The following HLA-DRB5 variants were observed in gnomAD, a reference collection of about 807,000 sequenced individuals.
The protein encoded by HLA-DRB5 is major histocompatibility complex, class II, DR beta 5, also known as DR beta-5.
HLA-DRB5 carries 11 observed loss-of-function variants against 22.4 expected under a neutral mutation model. That is an observed-to-expected ratio of 0.49 (90% CI 0.31 to 0.81). The LOEUF is 0.81. HLA-DRB5 is among the 40% of genes least tolerant of loss of function. The probability of loss-of-function intolerance (pLI) is 0.05; values close to 1 mark genes in which losing one functional copy is unlikely to be tolerated. For synonymous variants in HLA-DRB5, 57 were observed against 106.0 expected, an observed-to-expected ratio of 0.54 and a Z score of 2.84; for missense variants, 106 against 274.4, an observed-to-expected ratio of 0.39 and a Z score of 4.34.
chr6:32,528,612 T>C lies in HLA-DRB5; in HGVS notation c.100+1513A>G, dbSNP rs1231065726. 4.8e-5 allele frequency among the ~76,000 whole-genome samples: 2 copies of C among 42,050 alleles called. 1 individual carries two copies. Among genetic ancestry groups the C allele is most frequent in the African/African-American group, 1.8e-4 (2 of 11,012 alleles). 27.6% of individuals were successfully genotyped at this position (42,050 alleles called of 152,430 possible). Reference sequence around the variant, plus strand: ...TCTAATTGGAAGAAGAATTCACAGATAAAGAAACAGTGATTTAAGAAAAAA... The same window carrying C: ...TCTAATTGGAAGAAGAATTCACAGACAAAGAAACAGTGATTTAAGAAAAAA... On this transcript the variant is annotated intron_variant, in intron 1 of 5. Transcript: ENST00000374975.
At chr6:32,527,153 C>CTTTT (rs752427829) in intron 1 of HLA-DRB5, among the ~76,000 whole-genome samples, 2,801 of 74,606 alleles carry the variant, frequency 0.038, 35 homozygotes, top group Middle Eastern at 0.067. Flanking sequence ...TCTTCCTAAC[C>CTTTT]ACTTGTCAAC....
intron 1 of HLA-DRB5, among the ~76,000 whole-genome samples, chr6:32,528,946 A>G (rs115632737): frequency 0.19 from 19,234 of 101,018 alleles, 6 homozygotes; most frequent in African/African-American, 0.25. Context: ...CTATCTCAAA[A>G]AGAAAAAAAT....
intron 1 of HLA-DRB5, among the ~76,000 whole-genome samples, chr6:32,522,952 C>G (rs114988022): frequency 0.096 from 8,816 of 91,368 alleles, 270 homozygotes; most frequent in Non-Finnish European, 0.12. Flanking sequence ...TGCACAAAAG[C>G]TTGAATTGAT....
chr6:32,520,617 T>C (rs146601549), intron 2 of HLA-DRB5, among the ~76,000 whole-genome samples: 13,164 of 76,858 alleles, frequency 0.17, no homozygotes, highest in Admixed American at 0.22. Context: ...CTGGGACTCA[T>C]TACTTGGGGT....
intron 1 of HLA-DRB5, among the ~76,000 whole-genome samples, chr6:32,528,403 G>C (rs67456882): frequency 0.81 from 96,574 of 119,200 alleles, 39,391 homozygotes; most frequent in Middle Eastern, 0.87. Flanking sequence ...GCCCAGTACA[G>C]AGTAGCTGCT....
chr6:32,528,393 G>A (rs998861334), intron 1 of HLA-DRB5, among the ~76,000 whole-genome samples: 9,473 of 139,654 alleles, frequency 0.068, 565 homozygotes, highest in African/African-American at 0.14. Context: ...CTAGAAGGGA[G>A]CCCAGTACAG....
rs1331666287 is a variant in HLA-DRB5 at position 32,525,104 on chromosome 6, C to T, written c.101-2930G>A. Among the ~76,000 whole-genome samples, 2 of 86,296 alleles carry T rather than the reference C, an allele frequency of 2.3e-5. 1 individual carries two copies. Among genetic ancestry groups the T allele is most frequent in the African/African-American group, 8.7e-5 (2 of 23,018 alleles). 56.6% of individuals were successfully genotyped at this position (86,296 alleles called of 152,430 possible). A position where few individuals can be genotyped will look rare whatever the true frequency, so the allele number is the denominator to read the frequency against. On this transcript the variant is annotated intron_variant, in intron 1 of 5. Transcript: ENST00000374975. Reference sequence around the variant, plus strand: ...TCTCTGCCCCCACTCTAAGAAACAACCTGGTACATATGAATATTAGAAATT... The same window carrying T: ...TCTCTGCCCCCACTCTAAGAAACAATCTGGTACATATGAATATTAGAAATT...
rs1379624040 is a variant in HLA-DRB5, at chr6:32,527,227, A to G, written c.100+2898T>C. 2.8e-4 allele frequency among the ~76,000 whole-genome samples: 6 copies of G among 21,676 alleles called. 3 individuals are homozygous for G. The highest frequency in any genetic ancestry group is 1.3e-3 in the Admixed American group (2 of 1,530). The allele number at this position is 21,676 out of a possible 152,430, so 14.2% of individuals were successfully genotyped here. ...TTTAAAAATTCAATATAGGCCGGGC[A>G]CGGTGGCTCACGCCTGTAATCCCAG... On this transcript the variant is annotated intron_variant, in intron 1 of 5. Coordinates refer to ENST00000374975, the MANE Select transcript of HLA-DRB5 (RefSeq NM_002125.4).
rs759204222 is a variant in HLA-DRB5 at position 32,521,974 on chromosome 6, GCCTGT to G, written c.296_300del (p.Asp99AlafsTer16). 26 of 1,147,208 alleles carry G rather than the reference GCCTGT, an allele frequency of 2.3e-5. No homozygotes were observed. The highest frequency in any genetic ancestry group is 3.2e-5 in the Non-Finnish European group (26 of 824,678). The allele number at this position is 1,147,208 out of a possible 1,614,324, so 71.1% of individuals were successfully genotyped here. A position where few individuals can be genotyped will look rare whatever the true frequency, so the allele number is the denominator to read the frequency against. Reference sequence around the variant, plus strand: ...CTGCAGTAGGTGTCCACCGCGGCGCGCCTGTCTTCCAGGAAGTCCTTCTGGCTGTT... The same window carrying G: ...CTGCAGTAGGTGTCCACCGCGGCGCGCTTCCAGGAAGTCCTTCTGGCTGTT... On this transcript the variant is annotated frameshift_variant, in exon 2 of 6. Transcript: ENST00000374975. LOFTEE classifies it high-confidence loss of function.
rs1449800023 is a variant in HLA-DRB5, at chr6:32,522,063, C to T, written c.212G>A (p.Ser71Asn). ...CACCGCCCGGTACTCCCCCACGTCGCTGTCGAAGCGCAAGTCCTCCTCTTG... is the reference window on the plus strand; with the variant it reads ...CACCGCCCGGTACTCCCCCACGTCGTTGTCGAAGCGCAAGTCCTCCTCTTG... ...YNQEEDLRFD[S>N]DVGEYRAVTE... Residue 71 changes from serine to asparagine, a missense_variant, in exon 2 of 6, where the codon AGC (serine) becomes AAC (asparagine). Ser to Asn is a conservative substitution (Grantham distance 46). Coordinates refer to ENST00000374975, the MANE Select transcript of HLA-DRB5 (RefSeq NM_002125.4). 3 of 1,546,764 alleles carry T rather than the reference C, an allele frequency of 1.9e-6. No homozygotes were observed. The highest frequency in any genetic ancestry group is 2.6e-6 in the Non-Finnish European group (3 of 1,134,816).
In HLA-DRB5 at chr6:32,530,250, G is replaced by T; in HGVS notation, c.-26C>A. The T allele has an allele frequency of 7.8e-7, 1 of 1,282,510 alleles. No homozygotes were observed. The highest frequency in any genetic ancestry group is 1.1e-6 in the Non-Finnish European group (1 of 910,380). 79.4% of individuals were successfully genotyped at this position (1,282,510 alleles called of 1,614,324 possible). A position where few individuals can be genotyped will look rare whatever the true frequency, so the allele number is the denominator to read the frequency against. On this transcript the variant is annotated 5_prime_UTR_variant, in exon 1 of 6. Coordinates refer to ENST00000374975, the MANE Select transcript of HLA-DRB5 (RefSeq NM_002125.4). The stretch of plus-strand genomic sequence containing the variant: ...GCTGGAGAACAGGACAGGACCAGGG[G>T]CCAGAGGAGCAGGCAAGTCTCACTC...
intron 1 of HLA-DRB5, among the ~76,000 whole-genome samples, chr6:32,524,874 G>A (rs114638463): frequency 0.13 from 3,968 of 29,866 alleles, 1,122 homozygotes; most frequent in Non-Finnish European, 0.16. Context: ...GTGGTCGTGT[G>A]TCTGAAATTC....
intron 1 of HLA-DRB5, among the ~76,000 whole-genome samples, chr6:32,523,689 C>A: frequency 7.9e-6 from 1 of 126,402 alleles, no homozygotes; most frequent in Non-Finnish European, 1.7e-5. Flanking sequence ...ATTAAACTTG[C>A]ATTGACTAAA....
rs1162686989 is a variant in HLA-DRB5, at chr6:32,523,378, C to T, written c.101-1204G>A. Reference sequence around the variant, plus strand: ...TGTAAATATACACATATGTAAAATACTATATATTTTAGATGTTTTTGTCTT... The same window carrying T: ...TGTAAATATACACATATGTAAAATATTATATATTTTAGATGTTTTTGTCTT... On this transcript the variant is annotated intron_variant, in intron 1 of 5. Coordinates refer to ENST00000374975, the MANE Select transcript of HLA-DRB5 (RefSeq NM_002125.4). Among the ~76,000 whole-genome samples the T allele has an allele frequency of 2.4e-4, 8 of 33,812 alleles. 1 individual carries two copies. Among genetic ancestry groups the T allele is most frequent in the Non-Finnish European group, 2.4e-4 (4 of 16,490 alleles). 22.2% of individuals were successfully genotyped at this position (33,812 alleles called of 152,430 possible).
intron 1 of HLA-DRB5, among the ~76,000 whole-genome samples, chr6:32,524,495 G>A (rs114130180): frequency 0.017 from 1,311 of 77,976 alleles, no homozygotes; most frequent in East Asian, 0.037. Flanking sequence ...TAGAACTCTT[G>A]GTTTTGTAGT....
Position 32,524,196 on chromosome 6 carries a change from T to C in HLA-DRB5, c.101-2022A>G, listed in dbSNP as rs1477720998. Among the ~76,000 whole-genome samples the C allele has an allele frequency of 1.2e-4, 17 of 137,638 alleles. 1 individual carries two copies. The highest frequency in any genetic ancestry group is 2.7e-4 in the Non-Finnish European group (17 of 63,166). 90.3% of individuals were successfully genotyped at this position (137,638 alleles called of 152,430 possible). A position where few individuals can be genotyped will look rare whatever the true frequency, so the allele number is the denominator to read the frequency against. ...CTTGGTCCTACATAAAACGAATGCT[T>C]TATAGAATTCTGGTCCCAATACAGT... On this transcript the variant is annotated intron_variant, in intron 1 of 5. Coordinates refer to ENST00000374975, the MANE Select transcript of HLA-DRB5 (RefSeq NM_002125.4).
At chr6:32,519,153 G>GAAAA (rs1325516565) in intron 3 of HLA-DRB5, among the ~76,000 whole-genome samples, 1,466 of 62,700 alleles carry the variant, frequency 0.023, no homozygotes, top group Non-Finnish European at 0.029. Flanking sequence ...TCAAAACAGG[G>GAAAA]ACAGCCTCTC....
intron 1 of HLA-DRB5, among the ~76,000 whole-genome samples, chr6:32,529,579 T>TA (rs1770095142): frequency 1.8e-5 from 1 of 54,604 alleles, no homozygotes; most frequent in Non-Finnish European, 3.6e-5. Flanking sequence ...GTCAGAGACC[T>TA]TGCATACATT....
At chr6:32,524,215 A>G (rs372696473) in intron 1 of HLA-DRB5, among the ~76,000 whole-genome samples, 1,422 of 111,968 alleles carry the variant, frequency 0.013, no homozygotes, top group Admixed American at 0.021. Context: ...TCTGGTCCCA[A>G]TACAGTGCTA....
Sources: gnomAD v4.1 joint callset for allele counts (sites outside exome capture counted in the v4.1 genomes callset) on GRCh38, gnomAD v4.1.1 for gene constraint, MANE v1.5 for transcripts, NCBI Gene and HGNC (gene_info 2026-07-23, HGNC 2026-07-21) for gene names.